LPL: variants seen among roughly 807,000 people sequenced by gnomAD.
LPL encodes the protein phospholipase A1.
Under a neutral mutation model 52.2 loss-of-function variants are expected in LPL, and 43 were observed. The observed-to-expected ratio is 0.82, with a 90% CI of 0.64 to 1.06. The LOEUF (loss-of-function observed/expected upper bound fraction) is 1.06, where lower values mean the gene tolerates loss of function less well. LPL is among the 50% of genes least tolerant of loss of function. The pLI is 0.00. For synonymous variants in LPL, 244 were observed against 215.6 expected (o/e 1.13, Z -1.15); for missense variants, 639 against 585.3 (o/e 1.09, Z -0.95).
Position 19,964,145 on chromosome 8 carries a change from T to C in LPL, c.*-1165T>C, listed in dbSNP as rs1390925955. Among the ~76,000 whole-genome samples, 9 of 152,136 alleles carry C rather than the reference T, an allele frequency of 5.9e-5. 1 individual carries two copies. In the South Asian group the frequency reaches 6.2e-4, roughly 11 times the overall value. On this transcript the variant is annotated intron_variant, in intron 9 of 9. Coordinates refer to ENST00000650287, the MANE Select transcript of LPL (RefSeq NM_000237.3). ...TTTCGTATTTTTAGTAGAGAAAGGG[T>C]TTCACCATGTTGGTCAGGCTGGTCT... is the stretch of plus-strand genomic sequence containing the variant.
At position 19,960,924 on chromosome 8, in the gene LPL, C is replaced by T. The variant is rs779549741; in HGVS notation, c.1163C>T (p.Thr388Ile). 22 of 1,613,804 alleles carry T rather than the reference C, an allele frequency of 1.4e-5. No individual in the cohort carries two copies. In the South Asian group the frequency reaches 2.3e-4, roughly 17 times the overall value. The change falls in exon 8 of 10, where the codon ACC becomes ATC. Residue 388 changes from threonine to isoleucine, a missense_variant. Physicochemically the swap from Thr to Ile is moderately conservative, Grantham distance 89. Transcript: ENST00000650287. ...FTLPEVSTNK[T>I]YSFLIYTEVD... ...AGGCCTGAAGTTTCCACAAATAAGA[C>T]CTACTCCTTCCTAATTTACACAGAG... is the stretch of plus-strand genomic sequence containing the variant.
rs146509813 is a variant in LPL at position 19,962,130 on chromosome 8, T to C, written c.1338T>C (p.Ser446=). The C allele has an allele frequency of 3.4e-5, 55 of 1,612,928 alleles. No individual in the cohort carries two copies. The highest frequency in any genetic ancestry group is 4.7e-5 in the Non-Finnish European group (55 of 1,178,998). The change falls in exon 9 of 10, where the codon TCT becomes TCC. Residue 446 remains serine, a synonymous_variant. Coordinates refer to ENST00000650287, the MANE Select transcript of LPL (RefSeq NM_000237.3). ...TCTTCCACAGGGTGATCTTCTGTTC[T>C]AGGGAGAAAGTGTCTCATTTGCAGA... ...GETQKKVIFC[S]REKVSHLQKG... is the part of the protein sequence containing the mutation.
intron 3 of LPL, among the ~76,000 whole-genome samples, chr8:19,952,326 C>A (rs1180230415): frequency 6.6e-6 from 1 of 152,136 alleles, no homozygotes; most frequent in Non-Finnish European, 1.5e-5. Context: ...CTTGACATAC[C>A]AATCTCTTTC....
At chr8:19,956,126 A>G (rs1343416462) in intron 6 of LPL, 43 bp downstream of exon 6, 1 of 1,612,292 alleles carries the variant, frequency 6.2e-7, no homozygotes, top group Non-Finnish European at 8.5e-7. Context: ...AAGGAGTCCT[A>G]TTTCATCATG....
At position 19,944,997 on chromosome 8, in the gene LPL, C is replaced by A. The variant is rs182077504; in HGVS notation, c.89-3183C>A. On this transcript the variant is annotated intron_variant, in intron 1 of 9. Transcript: ENST00000650287. The surrounding 1 kb of genome is among the most constrained non-coding windows in gnomAD (Gnocchi z 4.2). ...CCTTCCCCTTCTTCCTTCCTTCCTT[C>A]CTTCCCTCCATCCCTCCCTCCTGTA... is the stretch of plus-strand genomic sequence containing the variant. Among the ~76,000 whole-genome samples the A allele has an allele frequency of 5.7e-4, 87 of 152,236 alleles. No homozygotes were observed. Among genetic ancestry groups the A allele is most frequent in the African/African-American group, 2.0e-3 (83 of 41,536 alleles).
At position 19,939,352 on chromosome 8, in the gene LPL, C is replaced by T. The variant is rs538149320; in HGVS notation, c.-89C>T. 2.0e-5 allele frequency: 26 copies of T among 1,319,344 alleles called. No individual in the cohort carries two copies. In the South Asian group the frequency reaches 3.3e-4, roughly 17 times the overall value. 81.7% of individuals were successfully genotyped at this position (1,319,344 alleles called of 1,614,324 possible). ...AAAGGGCGACTTGCTCAGCGCCAAA[C>T]CGCGGCTCCAGCCCTCTCCAGCCTC... is the stretch of plus-strand genomic sequence containing the variant. On this transcript the variant is annotated 5_prime_UTR_variant, in exon 1 of 10. Coordinates refer to ENST00000650287, the MANE Select transcript of LPL (RefSeq NM_000237.3). The surrounding 1 kb of genome is among the most constrained non-coding windows in gnomAD (Gnocchi z 4.0).
chr8:19,953,712 T>C (rs1188803476), intron 4 of LPL, among the ~76,000 whole-genome samples: 1 of 99,526 alleles, frequency 1.0e-5, no homozygotes, highest in Non-Finnish European at 1.9e-5. Context: ...CTCTGTGTTT[T>C]AGTAGTGTAA....
chr8:19,948,863 A>G (rs1288879939), intron 2 of LPL, among the ~76,000 whole-genome samples: 1 of 152,038 alleles, frequency 6.6e-6, no homozygotes, highest in African/African-American at 2.4e-5. Flanking sequence ...CAGAGGTTGC[A>G]CTAGATGTCC....
rs1434496405 is a variant in LPL at position 19,939,637 on chromosome 8, A to T, written c.88+109A>T. On this transcript the variant is annotated intron_variant, in intron 1 of 9. Transcript: ENST00000650287. This position sits in a 1 kb window ranked among gnomAD's most constrained non-coding sequence, Gnocchi z 4.0. Reference sequence around the variant, plus strand: ...GTTGGAAGGGGCGGTGGATGCGCCCAGGGACTCTCCCAGCCTGGGCTCTAG... The same window carrying T: ...GTTGGAAGGGGCGGTGGATGCGCCCTGGGACTCTCCCAGCCTGGGCTCTAG... 1 of 1,149,318 alleles carries T rather than the reference A, an allele frequency of 8.7e-7. No individual in the cohort carries two copies. Among genetic ancestry groups the T allele is most frequent in the Non-Finnish European group, 1.2e-6 (1 of 800,856 alleles). 71.2% of individuals were successfully genotyped at this position (1,149,318 alleles called of 1,614,324 possible). A position where few individuals can be genotyped will look rare whatever the true frequency, so the allele number is the denominator to read the frequency against.
chr8:19,966,144 A>G lies in LPL; in HGVS notation c.*834A>G, dbSNP rs1294577861. The G allele has an allele frequency of 6.6e-6, 1 of 151,968 alleles. No homozygotes were observed. The allele number at this position is 151,968 out of a possible 1,614,324, so 9.4% of individuals were successfully genotyped here. A position where few individuals can be genotyped will look rare whatever the true frequency, so the allele number is the denominator to read the frequency against. ...TGCAGAAAAAAAAAAAGAAACCGTA[A>G]TTTTATTATTAGATTCTCCAAATGA... On this transcript the variant is annotated 3_prime_UTR_variant, in exon 10 of 10. Transcript: ENST00000650287.
intron 2 of LPL, 155 bp downstream of exon 2, chr8:19,948,495 T>G: frequency 1.2e-6 from 1 of 844,654 alleles, no homozygotes; most frequent in Non-Finnish European, 1.8e-6. Flanking sequence ...AGGTGGGATC[T>G]GAAGCCACAG....
intron 5 of LPL, among the ~76,000 whole-genome samples, 177 bp downstream of exon 5, chr8:19,954,530 T>C (rs2069966001): frequency 1.3e-5 from 2 of 152,160 alleles, no homozygotes; most frequent in South Asian, 4.1e-4. Flanking sequence ...CAGACAGCCA[T>C]TTTATCTTTT....
At position 19,966,822 on chromosome 8, in the gene LPL, A is replaced by C. The variant is rs935331470; in HGVS notation, c.*1512A>C. 6 of 152,292 alleles carry C rather than the reference A, an allele frequency of 3.9e-5. No homozygotes were observed. Among genetic ancestry groups the C allele is most frequent in the Non-Finnish European group, 7.3e-5 (5 of 68,038 alleles). 9.4% of individuals were successfully genotyped at this position (152,292 alleles called of 1,614,324 possible). A position where few individuals can be genotyped will look rare whatever the true frequency, so the allele number is the denominator to read the frequency against. Reference sequence around the variant, plus strand: ...GATTAACATCATCAGGCTTGGAATGAATTCTCTCTAAAAATAAAATGATGT... The same window carrying C: ...GATTAACATCATCAGGCTTGGAATGCATTCTCTCTAAAAATAAAATGATGT... On this transcript the variant is annotated 3_prime_UTR_variant, in exon 10 of 10. Coordinates refer to ENST00000650287, the MANE Select transcript of LPL (RefSeq NM_000237.3).
chr8:19,952,276 TC>T (rs1335568307), intron 3 of LPL, among the ~76,000 whole-genome samples: 6 of 152,182 alleles, frequency 3.9e-5, no homozygotes, highest in Non-Finnish European at 8.8e-5. Context: ...GCCAGACCCT[TC>T]CCTACCAGTT....
At chr8:19,955,508 G>C (rs1041348175) in intron 5 of LPL, among the ~76,000 whole-genome samples, 2 of 152,124 alleles carry the variant, frequency 1.3e-5, no homozygotes, top group Admixed American at 6.5e-5. Context: ...AGAAGTGTTA[G>C]ACACTTTCAA....
At chr8:19,946,291 A>C (rs7000460) in intron 1 of LPL, among the ~76,000 whole-genome samples, 11,544 of 152,234 alleles carry the variant, frequency 0.076, 1,103 homozygotes, top group African/African-American at 0.23. Context: ...TCATAATTAG[A>C]ATCATTAAGA....
chr8:19,962,816 T>C (rs2070051594), intron 9 of LPL, among the ~76,000 whole-genome samples: 1 of 152,230 alleles, frequency 6.6e-6, no homozygotes, highest in Admixed American at 6.5e-5. Context: ...CAAACAACTC[T>C]GTGCCTCTTT....
intron 1 of LPL, among the ~76,000 whole-genome samples, chr8:19,942,329 A>G (rs1378435988): frequency 6.6e-6 from 1 of 152,162 alleles, no homozygotes; most frequent in Non-Finnish European, 1.5e-5. Context: ...CTTAAATATG[A>G]AGATGTTCCA....
At chr8:19,943,916 C>T (rs1042900695) in intron 1 of LPL, among the ~76,000 whole-genome samples, 2 of 152,148 alleles carry the variant, frequency 1.3e-5, no homozygotes, top group Non-Finnish European at 2.9e-5. Flanking sequence ...TAGGCTGGCA[C>T]AGTGGCTCAC....
Sources: allele counts gnomAD v4.1 joint callset (sites outside exome capture counted in the v4.1 genomes callset), GRCh38; gene constraint gnomAD v4.1.1; non-coding constraint Gnocchi (gnomAD v3.1); transcripts MANE v1.5; gene names NCBI Gene and HGNC (gene_info 2026-07-23, HGNC 2026-07-21).